Variants in DTWD1 observed in about 807,000 individuals in gnomAD.
DTWD1 encodes the protein tRNA-uridine aminocarboxypropyltransferase 1.
In DTWD1, 27 loss-of-function variants were observed where a neutral mutation model predicts 30.2. The ratio of observed to expected loss-of-function variants is 0.90; its 90% confidence interval spans 0.66 to 1.23. The LOEUF is 1.23. Ranked by LOEUF, DTWD1 falls within the 50% of genes most tolerant of loss-of-function variation. The pLI is 0.00. For missense variants in DTWD1, 342 were observed against 348.8 expected, an observed-to-expected ratio of 0.98 and a Z score of 0.15; for synonymous variants, 99 against 113.1, an observed-to-expected ratio of 0.88 and a Z score of 0.79.
At chr15:49,632,608 G>C (rs930091617) in intron 3 of DTWD1, among the ~76,000 whole-genome samples, 1 of 151,978 alleles carries the variant, frequency 6.6e-6, no homozygotes, top group Non-Finnish European at 1.5e-5. Context: ...TCTCCTGTTT[G>C]TGCTACATAT....
At chr15:49,633,605 G>T in intron 3 of DTWD1, 1 of 286,944 alleles carries the variant, frequency 3.5e-6, no homozygotes, top group Non-Finnish European at 6.9e-6. Flanking sequence ...AAAGTGCCGG[G>T]ATTACAGGTA....
At chr15:49,632,844 T>C (rs12902960) in intron 3 of DTWD1, among the ~76,000 whole-genome samples, 37,813 of 151,862 alleles carry the variant, frequency 0.25, 5,660 homozygotes, top group Non-Finnish European at 0.35. Flanking sequence ...GGTGAGAAAT[T>C]ATGGGTCTTC....
rs1339556627 is a variant in DTWD1, at chr15:49,625,293, A to G, written c.126A>G (p.Ala42=). 1.2e-6 allele frequency: 2 copies of G among 1,613,686 alleles called. No homozygotes were observed. The highest frequency in any genetic ancestry group is 1.7e-6 in the Non-Finnish European group (2 of 1,179,798). The change falls in exon 2 of 5, where the codon GCA becomes GCG. Residue 42 remains alanine (A), a synonymous_variant. Coordinates refer to ENST00000403028, the MANE Select transcript of DTWD1 (RefSeq NM_001144955.2). ...SEDPLQNLCL[A]SQEVLQKAQQ... is the part of the protein sequence containing the mutation. ...ATCCCCTTCAAAACTTATGTTTAGCATCTCAAGAAGTTCTTCAAAAAGCTC... is the reference window on the plus strand; with the variant it reads ...ATCCCCTTCAAAACTTATGTTTAGCGTCTCAAGAAGTTCTTCAAAAAGCTC...
At position 49,653,208 on chromosome 15, in the gene DTWD1, A is replaced by G. The variant is rs940257227; in HGVS notation, c.*9630A>G. The G allele has an allele frequency of 2.0e-5, 3 of 152,142 alleles. No individual in the cohort carries two copies. Among genetic ancestry groups the G allele is most frequent in the Admixed American group, 1.3e-4 (2 of 15,260 alleles). 9.4% of individuals were successfully genotyped at this position (152,142 alleles called of 1,614,324 possible). On this transcript the variant is annotated 3_prime_UTR_variant, in exon 5 of 5. Coordinates refer to ENST00000403028, the MANE Select transcript of DTWD1 (RefSeq NM_001144955.2). ...TGAAATGTAGAGATTATCCTGAATT[A>G]TCTAGGTAGGCTCAATATAAGCATG...
rs1049222516 is a variant in DTWD1, at chr15:49,654,851, A to G, written c.*11273A>G. Reference sequence around the variant, plus strand: ...AGAAATTTATATCTTACATTTCTGGAGACTGAAAATATGGAAATCCAAGAT... The same window carrying G: ...AGAAATTTATATCTTACATTTCTGGGGACTGAAAATATGGAAATCCAAGAT... On this transcript the variant is annotated 3_prime_UTR_variant, in exon 5 of 5. Transcript: ENST00000403028. The G allele has an allele frequency of 3.3e-5, 5 of 152,088 alleles. No homozygotes were observed. The highest frequency in any genetic ancestry group is 5.9e-5 in the Non-Finnish European group (4 of 68,006). 9.4% of individuals were successfully genotyped at this position (152,088 alleles called of 1,614,324 possible). A position where few individuals can be genotyped will look rare whatever the true frequency, so the allele number is the denominator to read the frequency against.
intron 2 of DTWD1, chr15:49,631,111 A>G (rs1283733513): frequency 4.0e-6 from 1 of 252,214 alleles, no homozygotes; most frequent in Non-Finnish European, 8.2e-6. Context: ...TAATAGAAAT[A>G]AAGTGCACAA....
In DTWD1 at chr15:49,651,532, T is replaced by A. The variant is rs1025971379; in HGVS notation, c.*7954T>A. ...GAGTTTCAACTTACCAAGGCTGCCT[T>A]AGCTGCTGCTGCTGTTGAATGTCCA... On this transcript the variant is annotated 3_prime_UTR_variant, in exon 5 of 5. Coordinates refer to ENST00000403028, the MANE Select transcript of DTWD1 (RefSeq NM_001144955.2). The A allele has an allele frequency of 6.6e-6, 1 of 152,098 alleles. No individual in the cohort carries two copies. The highest frequency in any genetic ancestry group is 1.5e-5 in the Non-Finnish European group (1 of 68,016). 9.4% of individuals were successfully genotyped at this position (152,098 alleles called of 1,614,324 possible).
rs969321954 is a variant in DTWD1, at chr15:49,647,327, A to T, written c.*3749A>T. 16 of 152,114 alleles carry T rather than the reference A, an allele frequency of 1.1e-4. No homozygotes were observed. The highest frequency in any genetic ancestry group is 3.1e-4 in the African/African-American group (13 of 41,434). The allele number at this position is 152,114 out of a possible 1,614,324, so 9.4% of individuals were successfully genotyped here. ...TCTTTGTACTAGGCTGTTTTTAATG[A>T]TCACATTTTATTTGATGAGAAACAA... On this transcript the variant is annotated 3_prime_UTR_variant, in exon 5 of 5. Coordinates refer to ENST00000403028, the MANE Select transcript of DTWD1 (RefSeq NM_001144955.2).
Position 49,654,035 on chromosome 15 carries a change from T to TTA in DTWD1, c.*10458_*10459dup. ...GGTGTAGGGGGACCCTGAAAACAAT[T>TTA]TAATTTTATGCTTCCTGTTTCCTTG... On this transcript the variant is annotated 3_prime_UTR_variant, in exon 5 of 5. Transcript: ENST00000403028. The TTA allele has an allele frequency of 6.6e-6, 1 of 152,096 alleles. No homozygotes were observed. The highest frequency in any genetic ancestry group is 6.5e-5 in the Admixed American group (1 of 15,268). 9.4% of individuals were successfully genotyped at this position (152,096 alleles called of 1,614,324 possible). A position where few individuals can be genotyped will look rare whatever the true frequency, so the allele number is the denominator to read the frequency against.
At chr15:49,642,901 G>A (rs945087225) in intron 4 of DTWD1, among the ~76,000 whole-genome samples, 3 of 152,072 alleles carry the variant, frequency 2.0e-5, no homozygotes. Flanking sequence ...GTCTAGCCTG[G>A]GTGACAGAGT....
At position 49,643,521 on chromosome 15, in the gene DTWD1, G is replaced by C; in HGVS notation, c.858G>C (p.Gln286His). 1.9e-6 allele frequency: 3 copies of C among 1,607,202 alleles called. No homozygotes were observed. Among genetic ancestry groups the C allele is most frequent in the Non-Finnish European group, 2.5e-6 (3 of 1,177,040 alleles). Residue 286 changes from glutamine (Q) to histidine (H), a missense_variant, in exon 5 of 5, where the codon CAG becomes CAC. Coordinates refer to ENST00000403028, the MANE Select transcript of DTWD1 (RefSeq NM_001144955.2). ...TATTTTTCTATTCTTTTATGTACCAGTTGATAAAGAATGCCAAATGCTCTG... is the reference window on the plus strand; with the variant it reads ...TATTTTTCTATTCTTTTATGTACCACTTGATAAAGAATGCCAAATGCTCTG... ...NLLFFYSFMY[Q>H]LIKNAKCSGD...
chr15:49,621,173 AC>A (rs1193814717), intron 1 of DTWD1, 51 bp downstream of exon 1: 1 of 152,126 alleles, frequency 6.6e-6, no homozygotes, highest in Non-Finnish European at 1.5e-5. Flanking sequence ...CTCTCTGGAG[AC>A]CAGTGGTCTG....
rs1333589806 is a variant in DTWD1, at chr15:49,648,210, A to G, written c.*4632A>G. ...GAATGAAAGTCTATTCATACACTGT[A>G]TATTAAGCTCTATATACACTGCATA... On this transcript the variant is annotated 3_prime_UTR_variant, in exon 5 of 5. Coordinates refer to ENST00000403028, the MANE Select transcript of DTWD1 (RefSeq NM_001144955.2). 2 of 152,210 alleles carry G rather than the reference A, an allele frequency of 1.3e-5. No individual in the cohort carries two copies. 9.4% of individuals were successfully genotyped at this position (152,210 alleles called of 1,614,324 possible). A position where few individuals can be genotyped will look rare whatever the true frequency, so the allele number is the denominator to read the frequency against.
intron 4 of DTWD1, 85 bp downstream of exon 4, chr15:49,634,879 A>T: frequency 7.6e-7 from 1 of 1,310,630 alleles, no homozygotes; most frequent in Middle Eastern, 2.0e-4. Context: ...TTGAAAGAGG[A>T]GTTACACTGA....
chr15:49,642,753 T>TA (rs111334736), intron 4 of DTWD1, among the ~76,000 whole-genome samples: 8,672 of 150,666 alleles, frequency 0.058, 630 homozygotes, highest in African/African-American at 0.17. Flanking sequence ...ACACTGTCTC[T>TA]AAAAAAAAAT....
At position 49,655,384 on chromosome 15, in the gene DTWD1, A is replaced by G. The variant is rs1473377438; in HGVS notation, c.*11806A>G. 1 of 152,068 alleles carries G rather than the reference A, an allele frequency of 6.6e-6. No homozygotes were observed. The highest frequency in any genetic ancestry group is 1.5e-5 in the Non-Finnish European group (1 of 67,986). The allele number at this position is 152,068 out of a possible 1,614,324, so 9.4% of individuals were successfully genotyped here. A position where few individuals can be genotyped will look rare whatever the true frequency, so the allele number is the denominator to read the frequency against. On this transcript the variant is annotated 3_prime_UTR_variant, in exon 5 of 5. Transcript: ENST00000403028. ...AAGAGGGGGTAAGAAAGAAAGACTT[A>G]TGAAGAAAAGACCTGTAGAAAATCG... is the stretch of plus-strand genomic sequence containing the variant.
rs2079117145 is a variant in DTWD1, at chr15:49,646,182, G to A, written c.*2604G>A. 6.6e-6 allele frequency: 1 copy of A among 152,228 alleles called. No individual in the cohort carries two copies. The highest frequency in any genetic ancestry group is 1.5e-5 in the Non-Finnish European group (1 of 68,052). 9.4% of individuals were successfully genotyped at this position (152,228 alleles called of 1,614,324 possible). On this transcript the variant is annotated 3_prime_UTR_variant, in exon 5 of 5. Coordinates refer to ENST00000403028, the MANE Select transcript of DTWD1 (RefSeq NM_001144955.2). ...TGATGGCCAGCCAAACCCAAGATAT[G>A]TGAATGATTCCAGCCAAGATCAGCA...
rs1010447165 is a variant in DTWD1 at position 49,625,622 on chromosome 15, G to C, written c.264+191G>C. On this transcript the variant is annotated intron_variant, in intron 2 of 4. Coordinates refer to ENST00000403028, the MANE Select transcript of DTWD1 (RefSeq NM_001144955.2). ...CAGGGCACATTTACTTCTGCAGAAG[G>C]GTGCTGCGCCTGATCGCAAGAGCAC... 4.9e-6 allele frequency: 3 copies of C among 606,852 alleles called. No homozygotes were observed. In the African/African-American group the frequency reaches 5.6e-5, roughly 11 times the overall value. 37.6% of individuals were successfully genotyped at this position (606,852 alleles called of 1,614,324 possible). A position where few individuals can be genotyped will look rare whatever the true frequency, so the allele number is the denominator to read the frequency against.
intron 4 of DTWD1, among the ~76,000 whole-genome samples, chr15:49,638,747 A>G (rs73406074): frequency 0.027 from 4,101 of 152,290 alleles, 192 homozygotes; most frequent in African/African-American, 0.095. Context: ...TTAACAATGT[A>G]AAACCTTACT....
Sources: gnomAD v4.1 joint callset for allele counts (sites outside exome capture counted in the v4.1 genomes callset) on GRCh38, gnomAD v4.1.1 for gene constraint, MANE v1.5 for transcripts, NCBI Gene and HGNC (gene_info 2026-07-23, HGNC 2026-07-21) for gene names.